RNF215: variants seen among roughly 807,000 people sequenced by gnomAD.
The protein encoded by RNF215 is ring finger protein 215.
A neutral mutation model predicts 44.8 loss-of-function variants in RNF215; 41 were observed. That is an observed-to-expected ratio of 0.92 (90% confidence interval 0.71 to 1.19). The LOEUF (loss-of-function observed/expected upper bound fraction) is 1.19, where lower values mean the gene tolerates loss of function less well. RNF215 is among the 50% of genes most tolerant of loss of function. The probability of loss-of-function intolerance (pLI) is 0.00; values close to 1 mark genes in which losing one functional copy is unlikely to be tolerated. For missense variants in RNF215, 452 were observed against 496.2 expected (o/e 0.91, Z 0.85); for synonymous variants, 218 against 230.1 (o/e 0.95, Z 0.48).
chr22:30,380,213 G>A lies in RNF215; in HGVS notation c.865-8C>T. ...GCGCTTAAACAGGTCCACCTGTGGG[G>A]AGAGGACGGGCACAGTCTTGCAGGT... is the stretch of plus-strand genomic sequence containing the variant. On this transcript the variant is annotated splice_region_variant and splice_polypyrimidine_tract_variant and intron_variant, in intron 6 of 8. Coordinates refer to ENST00000382363, the MANE Select transcript of RNF215 (RefSeq NM_001017981.2). This position sits in a 1 kb window ranked among gnomAD's most constrained non-coding sequence, Gnocchi z 5.3. 6.2e-7 allele frequency: 1 copy of A among 1,613,572 alleles called. No individual in the cohort carries two copies. Among genetic ancestry groups the A allele is most frequent in the Non-Finnish European group, 8.5e-7 (1 of 1,179,798 alleles).
intron 5 of RNF215, among the ~76,000 whole-genome samples, chr22:30,383,761 C>A (rs1933558934): frequency 6.6e-6 from 1 of 152,174 alleles, no homozygotes; most frequent in South Asian, 2.1e-4. Context: ...CCAAGAAGCC[C>A]ATGGACGGCC....
Position 30,380,898 on chromosome 22 carries a change from C to T in RNF215, c.745-497G>A, listed in dbSNP as rs149203098. Among the ~76,000 whole-genome samples, 403 of 152,304 alleles carry T rather than the reference C, an allele frequency of 2.6e-3. 3 individuals are homozygous for T. Among genetic ancestry groups the T allele is most frequent in the Middle Eastern group, 6.8e-3 (2 of 294 alleles). Reference sequence around the variant, plus strand: ...AGCCAGCCCCCAAGGCCTGTTGCTTCGTTCTCCTGGGTGGGGGTGGGTCTC... The same window carrying T: ...AGCCAGCCCCCAAGGCCTGTTGCTTTGTTCTCCTGGGTGGGGGTGGGTCTC... On this transcript the variant is annotated intron_variant, in intron 5 of 8. Transcript: ENST00000382363. This position sits in a 1 kb window ranked among gnomAD's most constrained non-coding sequence, Gnocchi z 5.3.
At chr22:30,386,971 C>T (rs1859523438) in intron 1 of RNF215, 58 bp downstream of exon 1, 1 of 1,525,880 alleles carries the variant, frequency 6.6e-7, no homozygotes, top group South Asian at 1.2e-5. Flanking sequence ...TGCGGGGTCT[C>T]TAGGGAGGGT....
intron 5 of RNF215, among the ~76,000 whole-genome samples, chr22:30,383,796 AAGAG>A (rs368867854): frequency 2.0e-4 from 30 of 152,182 alleles, no homozygotes; most frequent in African/African-American, 5.8e-4. Flanking sequence ...TGTGATACAA[AAGAG>A]AGAGAGAGGG....
Position 30,380,488 on chromosome 22 carries a change from A to T in RNF215, c.745-87T>A. 6.7e-7 allele frequency: 1 copy of T among 1,487,870 alleles called. No individual in the cohort carries two copies. The highest frequency in any genetic ancestry group is 9.0e-7 in the Non-Finnish European group (1 of 1,111,954). 92.2% of individuals were successfully genotyped at this position (1,487,870 alleles called of 1,614,324 possible). On this transcript the variant is annotated intron_variant, in intron 5 of 8. Coordinates refer to ENST00000382363, the MANE Select transcript of RNF215 (RefSeq NM_001017981.2). The surrounding 1 kb of genome is among the most constrained non-coding windows in gnomAD (Gnocchi z 5.3). Reference sequence around the variant, plus strand: ...TCTACCCCCAGGAACGCCAGGGAGCAGGCAGGTGAGGTATGCTGACGGCCT... The same window carrying T: ...TCTACCCCCAGGAACGCCAGGGAGCTGGCAGGTGAGGTATGCTGACGGCCT...
Position 30,387,167 on chromosome 22 carries a change from C to A in RNF215, c.147G>T (p.Ala49=). The change falls in exon 1 of 9, where the codon GCG becomes GCT. Residue 49 remains alanine, a synonymous_variant. Coordinates refer to ENST00000382363, the MANE Select transcript of RNF215 (RefSeq NM_001017981.2). ...GGGCTCCGCCCCGCCCCGCCCCGGC[C>A]GCCGGCTCGCTGCCGTCCGCCGCGG... The part of the protein sequence containing the change: ...PGAAADGSEP[A]AGAGRGGARA... 1 of 1,176,202 alleles carries A rather than the reference C, an allele frequency of 8.5e-7. No individual in the cohort carries two copies. Among genetic ancestry groups the A allele is most frequent in the Non-Finnish European group, 1.0e-6 (1 of 952,554 alleles). 72.9% of individuals were successfully genotyped at this position (1,176,202 alleles called of 1,614,324 possible). A position where few individuals can be genotyped will look rare whatever the true frequency, so the allele number is the denominator to read the frequency against.
rs1337194847 is a variant in RNF215 at position 30,387,269 on chromosome 22, A to AGGCGGC, written c.39_44dup (p.Pro19_Pro20dup). ...GCAGCGGAGACGGAGGCGGCGGCGG[A>AGGCGGC]GGCGGCGGCGGCGATCTCAGCGCGG... On this transcript the variant is annotated inframe_insertion, in exon 1 of 9. Coordinates refer to ENST00000382363, the MANE Select transcript of RNF215 (RefSeq NM_001017981.2). 4.1e-5 allele frequency: 43 copies of AGGCGGC among 1,053,110 alleles called. No homozygotes were observed. Among genetic ancestry groups the AGGCGGC allele is most frequent in the Non-Finnish European group, 4.9e-5 (43 of 873,212 alleles). 65.2% of individuals were successfully genotyped at this position (1,053,110 alleles called of 1,614,324 possible).
intron 1 of RNF215, 24 bp from the exon 2 acceptor site, chr22:30,386,783 A>C (rs1276889084): frequency 1.3e-6 from 2 of 1,594,646 alleles, no homozygotes; most frequent in South Asian, 1.1e-5. Flanking sequence ...GGCCATGAGC[A>C]GAGGGAGGTA....
Position 30,380,210 on chromosome 22 carries a change from G to C in RNF215, c.865-5C>G, listed in dbSNP as rs200669114. The stretch of plus-strand genomic sequence containing the variant: ...GCGGCGCTTAAACAGGTCCACCTGT[G>C]GGGAGAGGACGGGCACAGTCTTGCA... On this transcript the variant is annotated splice_region_variant and splice_polypyrimidine_tract_variant and intron_variant, in intron 6 of 8. Coordinates refer to ENST00000382363, the MANE Select transcript of RNF215 (RefSeq NM_001017981.2). This position sits in a 1 kb window ranked among gnomAD's most constrained non-coding sequence, Gnocchi z 5.3. The C allele has an allele frequency of 1.4e-5, 23 of 1,613,448 alleles. No individual in the cohort carries two copies. Among genetic ancestry groups the C allele is most frequent in the Non-Finnish European group, 1.9e-5 (23 of 1,179,808 alleles).
At position 30,386,694 on chromosome 22, in the gene RNF215, GC is replaced by G; in HGVS notation, c.350del (p.Gly117AlafsTer44). The G allele has an allele frequency of 6.2e-7, 1 of 1,612,080 alleles. No homozygotes were observed. Among genetic ancestry groups the G allele is most frequent in the Non-Finnish European group, 8.5e-7 (1 of 1,179,998 alleles). On this transcript the variant is annotated frameshift_variant, in exon 2 of 9. Transcript: ENST00000382363. LOFTEE classifies it high-confidence loss of function. ...VEGWIAVAYVGKEQAAQFHQE... is the reference protein window; with the variant it reads ...VEGWIAVAYVXKEQAAQFHQE... ...GGTGGAACTGGGCCGCCTGCTCCTTGCCCACGTATGCCACTGCAATCCAGCC... is the reference window on the plus strand; with the variant it reads ...GGTGGAACTGGGCCGCCTGCTCCTTGCCACGTATGCCACTGCAATCCAGCC...
chr22:30,381,569 G>A (rs1370953450), intron 5 of RNF215, among the ~76,000 whole-genome samples: 1 of 152,216 alleles, frequency 6.6e-6, no homozygotes, highest in Non-Finnish European at 1.5e-5. Flanking sequence ...GGATGTGTTA[G>A]GACTAACACG....
In RNF215 at chr22:30,386,000, A is replaced by G; in HGVS notation, c.502-11T>C. ...CTGGGATATGTCCAGCTGCAGGGAG[A>G]CAAGGAGGTCAGCAGGCCTGGGTCC... On this transcript the variant is annotated splice_polypyrimidine_tract_variant and intron_variant, in intron 3 of 8. Transcript: ENST00000382363. 1 of 1,614,090 alleles carries G rather than the reference A, an allele frequency of 6.2e-7. No homozygotes were observed. Among genetic ancestry groups the G allele is most frequent in the South Asian group, 1.1e-5 (1 of 91,082 alleles).
chr22:30,380,975 C>T lies in RNF215; in HGVS notation c.745-574G>A, dbSNP rs904974043. Among the ~76,000 whole-genome samples, 8 of 152,198 alleles carry T rather than the reference C, an allele frequency of 5.3e-5. No individual in the cohort carries two copies. The highest frequency in any genetic ancestry group is 8.8e-5 in the Non-Finnish European group (6 of 68,026). ...CCCACGGTCAGAGGGTTCTCCCCTG[C>T]ACACCAGGCCCTGCAGCTCCCCTGC... On this transcript the variant is annotated intron_variant, in intron 5 of 8. Coordinates refer to ENST00000382363, the MANE Select transcript of RNF215 (RefSeq NM_001017981.2). The surrounding 1 kb of genome is among the most constrained non-coding windows in gnomAD (Gnocchi z 5.3).
intron 4 of RNF215, 102 bp from the exon 5 acceptor site, chr22:30,384,597 GC>G: frequency 1.0e-6 from 1 of 1,004,784 alleles, no homozygotes. Context: ...TACGACTGTC[GC>G]CCCTGCTGGC....
In RNF215 at chr22:30,379,547, C is replaced by G; in HGVS notation, c.*53G>C. ...CTGTCCTGGGAGCCCAGGCTGAGGA[C>G]CGGGGTGCAGGCAGGAAGGGTCCAT... On this transcript the variant is annotated 3_prime_UTR_variant, in exon 9 of 9. Transcript: ENST00000382363. 6.5e-7 allele frequency: 1 copy of G among 1,544,280 alleles called. No homozygotes were observed. The highest frequency in any genetic ancestry group is 8.7e-7 in the Non-Finnish European group (1 of 1,145,528).
At chr22:30,386,472 C>G in intron 2 of RNF215, 144 bp downstream of exon 2, 1 of 1,005,170 alleles carries the variant, frequency 9.9e-7, no homozygotes, top group Non-Finnish European at 1.5e-6. Flanking sequence ...ATACTGACTC[C>G]ATTCTTCAAA....
chr22:30,386,202 C>T (rs1933598005), intron 2 of RNF215, 61 bp from the exon 3 acceptor site: 3 of 1,467,046 alleles, frequency 2.0e-6, no homozygotes, highest in South Asian at 1.2e-5. Context: ...TGTCTCACCA[C>T]CTGCAGCCCT....
chr22:30,386,104 A>G lies in RNF215; in HGVS notation c.467T>C (p.Leu156Pro). 1 of 1,603,992 alleles carries G rather than the reference A, an allele frequency of 6.2e-7. No homozygotes were observed. The highest frequency in any genetic ancestry group is 8.5e-7 in the Non-Finnish European group (1 of 1,175,524). The change falls in exon 3 of 9, where the codon CTT (leucine) becomes CCT (proline). Residue 156 changes from leucine to proline, a missense_variant. By Grantham distance (98) the Leu-to-Pro change is moderately conservative (BLOSUM62 -3). Transcript: ENST00000382363. ...CACGTTGTGGTTCAGGATGAGAAGA[A>G]GCAGGGCAGAGGCACCCAGGAAGAG... ...RALFLGASAL[L>P]LLILNHNVVR...
chr22:30,383,505 T>C lies in RNF215; in HGVS notation c.744+834A>G, dbSNP rs150248531. On this transcript the variant is annotated intron_variant, in intron 5 of 8. Coordinates refer to ENST00000382363, the MANE Select transcript of RNF215 (RefSeq NM_001017981.2). ...CCAGCTAAGGTTTCCAAGCCAGGATTTGATCCCAAGATTGCCCCACTTGAA... is the reference window on the plus strand; with the variant it reads ...CCAGCTAAGGTTTCCAAGCCAGGATCTGATCCCAAGATTGCCCCACTTGAA... Among the ~76,000 whole-genome samples the C allele has an allele frequency of 3.7e-4, 57 of 152,244 alleles. 2 individuals carry two copies. Among genetic ancestry groups the C allele is most frequent in the African/African-American group, 1.3e-3 (56 of 41,542 alleles).
Sources: gnomAD v4.1 joint callset for allele counts (sites outside exome capture counted in the v4.1 genomes callset) on GRCh38, gnomAD v4.1.1 for gene constraint, Gnocchi (gnomAD v3.1) non-coding constraint, MANE v1.5 for transcripts, NCBI Gene and HGNC (gene_info 2026-07-23, HGNC 2026-07-21) for gene names.